Variants in DYRK4 observed in about 807,000 individuals in gnomAD.
DYRK4 encodes dual specificity tyrosine phosphorylation regulated kinase 4, also known as dual specificity tyrosine-phosphorylation-regulated kinase 4.
In DYRK4, 64 loss-of-function variants were observed where a neutral mutation model predicts 68.3. The observed-to-expected ratio is 0.94, with a 90% CI of 0.77 to 1.15. DYRK4 has a LOEUF of 1.15. DYRK4 is among the 50% of genes most tolerant of loss of function. DYRK4 has a pLI of 0.00. For synonymous variants in DYRK4, 274 were observed against 289.9 expected, an observed-to-expected ratio of 0.95 and a Z score of 0.56; for missense variants, 740 against 764.7, an observed-to-expected ratio of 0.97 and a Z score of 0.38.
At chr12:4,578,595 T>G (rs1016213971) in intron 2 of DYRK4, among the ~76,000 whole-genome samples, 2 of 152,242 alleles carry the variant, frequency 1.3e-5, no homozygotes, top group Non-Finnish European at 2.9e-5. Context: ...GATATTATAT[T>G]TGGAAATATA....
chr12:4,562,413 A>G (rs752204816), intron 1 of DYRK4, 130 bp downstream of exon 1: 252 of 1,202,416 alleles, frequency 2.1e-4, no homozygotes, highest in Middle Eastern at 5.9e-4. Flanking sequence ...TGACCGGGGA[A>G]TGTGGGTCAG....
chr12:4,583,842 G>A lies in DYRK4; in HGVS notation c.133-5095G>A, dbSNP rs543418612. On this transcript the variant is annotated intron_variant, in intron 2 of 14. Transcript: ENST00000543431. ...GAAATTCTACTCCCTCCTGAGACAC[G>A]CAGCAAATCCAAGATTGGCTCTGGA... 5.3e-5 allele frequency among the ~76,000 whole-genome samples: 8 copies of A among 152,270 alleles called. No homozygotes were observed. In the East Asian group the frequency reaches 7.7e-4, roughly 15 times the overall value.
intron 10 of DYRK4, chr12:4,603,450 C>A (rs1565541319): frequency 2.8e-6 from 1 of 354,002 alleles, no homozygotes; most frequent in African/African-American, 2.1e-5. Context: ...AATATTTCTA[C>A]TCCACACCGT....
In DYRK4 at chr12:4,572,517, G is replaced by C. The variant is rs1034703105; in HGVS notation, c.132+4469G>C. Among the ~76,000 whole-genome samples, 3 of 152,114 alleles carry C rather than the reference G, an allele frequency of 2.0e-5. No homozygotes were observed. In the South Asian group the frequency reaches 6.2e-4, roughly 31 times the overall value. ...TCACCATGTTAGCCAGGATGGTCTC[G>C]ATCTCCTGACCTCGTGATCCATCCG... is the stretch of plus-strand genomic sequence containing the variant. On this transcript the variant is annotated intron_variant, in intron 2 of 14. Coordinates refer to ENST00000543431, the MANE Select transcript of DYRK4 (RefSeq NM_001394779.1).
At chr12:4,575,856 T>C (rs1461121439) in intron 2 of DYRK4, among the ~76,000 whole-genome samples, 1 of 152,218 alleles carries the variant, frequency 6.6e-6, no homozygotes, top group Non-Finnish European at 1.5e-5. Context: ...TGTTGGCTTG[T>C]CTGTTTTTTA....
intron 6 of DYRK4, among the ~76,000 whole-genome samples, chr12:4,594,495 A>C (rs963039673): frequency 6.6e-6 from 1 of 152,152 alleles, no homozygotes; most frequent in African/African-American, 2.4e-5. Flanking sequence ...AAAGGCTGGG[A>C]TCACAGGTGT....
chr12:4,568,898 G>T (rs940402916), intron 2 of DYRK4, among the ~76,000 whole-genome samples: 1 of 152,046 alleles, frequency 6.6e-6, no homozygotes, highest in Admixed American at 6.6e-5. Context: ...TATTGTTTGG[G>T]GTCTTTGTCC....
intron 6 of DYRK4, among the ~76,000 whole-genome samples, chr12:4,594,417 T>C (rs1001207388): frequency 1.3e-5 from 2 of 151,984 alleles, no homozygotes; most frequent in Non-Finnish European, 2.9e-5. Context: ...AGAGGCAGGG[T>C]TAAACCGTGT....
In DYRK4 at chr12:4,579,278, GATA is replaced by G. The variant is rs145023642; in HGVS notation, c.133-9650_133-9648del. Among the ~76,000 whole-genome samples, 1,228 of 151,412 alleles carry G rather than the reference GATA, an allele frequency of 8.1e-3. 15 individuals carry two copies. Among genetic ancestry groups the G allele is most frequent in the African/African-American group, 0.028 (1,168 of 41,204 alleles). The stretch of plus-strand genomic sequence containing the variant: ...ACAGAGCGAGATGCCGTCTCAAAAT[GATA>G]ATAATAATCATGATAATAATAATGA... On this transcript the variant is annotated intron_variant, in intron 2 of 14. Transcript: ENST00000543431.
Position 4,571,157 on chromosome 12 carries a change from C to A in DYRK4, c.132+3109C>A, listed in dbSNP as rs75579798. Reference sequence around the variant, plus strand: ...AGCTTAGGCTATGCCAGGAAGAGAACCTGGGAGAGAGTCCTAGGGAGGGAA... The same window carrying A: ...AGCTTAGGCTATGCCAGGAAGAGAAACTGGGAGAGAGTCCTAGGGAGGGAA... On this transcript the variant is annotated intron_variant, in intron 2 of 14. Coordinates refer to ENST00000543431, the MANE Select transcript of DYRK4 (RefSeq NM_001394779.1). 3.3e-3 allele frequency among the ~76,000 whole-genome samples: 497 copies of A among 152,298 alleles called. 3 individuals are homozygous for A. The highest frequency in any genetic ancestry group is 0.011 in the African/African-American group (467 of 41,562).
intron 2 of DYRK4, among the ~76,000 whole-genome samples, chr12:4,585,675 G>GC (rs1483060717): frequency 6.6e-6 from 1 of 152,174 alleles, no homozygotes; most frequent in Non-Finnish European, 1.5e-5. Flanking sequence ...TATACCTAAT[G>GC]TAAATGATGA....
At chr12:4,579,580 G>C (rs938006572) in intron 2 of DYRK4, among the ~76,000 whole-genome samples, 1 of 152,282 alleles carries the variant, frequency 6.6e-6, no homozygotes, top group Non-Finnish European at 1.5e-5. Flanking sequence ...GTGGACTGGA[G>C]GGAGGGCATT....
intron 3 of DYRK4, among the ~76,000 whole-genome samples, chr12:4,589,571 C>T (rs1012406670): frequency 6.6e-6 from 1 of 152,184 alleles, no homozygotes; most frequent in Non-Finnish European, 1.5e-5. Flanking sequence ...TAAGTGAGAA[C>T]ATGTGATATT....
intron 8 of DYRK4, 192 bp downstream of exon 8, chr12:4,596,921 T>A: frequency 7.0e-7 from 1 of 1,432,756 alleles, no homozygotes; most frequent in Non-Finnish European, 9.1e-7. Flanking sequence ...GGTATGCCTG[T>A]CACCTGCCAG....
chr12:4,567,743 T>C (rs968702238), intron 1 of DYRK4, among the ~76,000 whole-genome samples: 1 of 152,238 alleles, frequency 6.6e-6, no homozygotes, highest in African/African-American at 2.4e-5. Context: ...CACCTGATTA[T>C]CTCTTCCTCC....
At chr12:4,608,419 C>T (rs989413251) in intron 12 of DYRK4, among the ~76,000 whole-genome samples, 8 of 152,146 alleles carry the variant, frequency 5.3e-5, no homozygotes, top group Non-Finnish European at 7.3e-5. Context: ...TTTCTGTTCA[C>T]AACTTGCTCC....
chr12:4,571,079 A>T (rs1030238152), intron 2 of DYRK4, among the ~76,000 whole-genome samples: 4 of 152,208 alleles, frequency 2.6e-5, no homozygotes, highest in Non-Finnish European at 5.9e-5. Flanking sequence ...GCATCTCAGC[A>T]TTGCCTCAGC....
In DYRK4 at chr12:4,589,012, C is replaced by T; in HGVS notation, c.208C>T (p.His70Tyr). 6.5e-7 allele frequency: 1 copy of T among 1,536,098 alleles called. No homozygotes were observed. Among genetic ancestry groups the T allele is most frequent in the Non-Finnish European group, 8.7e-7 (1 of 1,146,876 alleles). Residue 70 changes from histidine to tyrosine, a missense_variant, in exon 3 of 15, where the codon CAT becomes TAT. Coordinates refer to ENST00000543431, the MANE Select transcript of DYRK4 (RefSeq NM_001394779.1). ...IKNSRMTQVF[H>Y]KNTSVTSLPF... ...GAACTCCAGAATGACCCAAGTCTTT[C>T]ATAAGGTAGGGAGTGATGGTCAGCT...
chr12:4,574,507 GC>G (rs1402063867), intron 2 of DYRK4, among the ~76,000 whole-genome samples: 8 of 152,106 alleles, frequency 5.3e-5, no homozygotes, highest in Admixed American at 2.0e-4. Context: ...ATAACATTTG[GC>G]CGCTTTCACT....
Sources: gnomAD v4.1 joint callset for allele counts (sites outside exome capture counted in the v4.1 genomes callset) on GRCh38, gnomAD v4.1.1 for gene constraint, MANE v1.5 for transcripts, NCBI Gene and HGNC (gene_info 2026-07-23, HGNC 2026-07-21) for gene names.